Variants in TSHZ2 observed in about 807,000 individuals in gnomAD.
TSHZ2 encodes the protein teashirt homolog 2.
TSHZ2 carries 21 observed loss-of-function variants against 74.4 expected under a neutral mutation model. That is an observed-to-expected ratio of 0.28 (90% confidence interval 0.20 to 0.41). TSHZ2 has a LOEUF of 0.41. Ranked by LOEUF, TSHZ2 falls within the 10% of genes least tolerant of loss-of-function variation. The pLI is 1.00. For synonymous variants in TSHZ2, 540 were observed against 515.3 expected, an observed-to-expected ratio of 1.05 and a Z score of -0.65; for missense variants, 1,244 against 1,293.5, an observed-to-expected ratio of 0.96 and a Z score of 0.59.
chr20:53,294,176 C>T (rs1044883870), intron 2 of TSHZ2, among the ~76,000 whole-genome samples: 2 of 95,286 alleles, frequency 2.1e-5, no homozygotes, highest in South Asian at 3.5e-4. Context: ...GTCGCTTAAT[C>T]GCTCTAGCCT....
chr20:53,313,877 C>T lies in TSHZ2; in HGVS notation c.*8+57306C>T, dbSNP rs188196592. 4.6e-5 allele frequency among the ~76,000 whole-genome samples: 7 copies of T among 152,274 alleles called. No individual in the cohort carries two copies. The East Asian group carries it at 9.6e-4, about 21-fold the overall frequency. On this transcript the variant is annotated intron_variant, in intron 2 of 2. Coordinates refer to ENST00000371497, the MANE Select transcript of TSHZ2 (RefSeq NM_173485.6). ...TAAAATTGTGCTTAAACATAGAGAT[C>T]GTGGGTCCCAAGTGAGCACTTCAAC...
Position 53,493,577 on chromosome 20 carries a change from G to A in TSHZ2, c.*6442G>A, listed in dbSNP as rs1187013038. The A allele has an allele frequency of 6.6e-6, 1 of 152,062 alleles. No homozygotes were observed. Among genetic ancestry groups the A allele is most frequent in the Non-Finnish European group, 1.5e-5 (1 of 67,988 alleles). 9.4% of individuals were successfully genotyped at this position (152,062 alleles called of 1,614,324 possible). A position where few individuals can be genotyped will look rare whatever the true frequency, so the allele number is the denominator to read the frequency against. Reference sequence around the variant, plus strand: ...CAAGATTCTTCTCCTTATTTATTCGGTTGCTGTTGTAATGGGGCCCCAGGC... The same window carrying A: ...CAAGATTCTTCTCCTTATTTATTCGATTGCTGTTGTAATGGGGCCCCAGGC... On this transcript the variant is annotated 3_prime_UTR_variant, in exon 3 of 3. Coordinates refer to ENST00000371497, the MANE Select transcript of TSHZ2 (RefSeq NM_173485.6).
Position 53,202,644 on chromosome 20 carries a change from G to A in TSHZ2, c.41-50855G>A, listed in dbSNP as rs550013283. 1.3e-4 allele frequency among the ~76,000 whole-genome samples: 20 copies of A among 152,252 alleles called. No homozygotes were observed. In the South Asian group the frequency reaches 4.1e-3, roughly 32 times the overall value. ...ATTGAGACTTATGCAAATCACCGTA[G>A]CATAGGCAGAGGATACATTTCAGAA... On this transcript the variant is annotated intron_variant, in intron 1 of 2. Coordinates refer to ENST00000371497, the MANE Select transcript of TSHZ2 (RefSeq NM_173485.6).
At chr20:53,026,281 G>A (rs1056096012) in intron 1 of TSHZ2, among the ~76,000 whole-genome samples, 4 of 151,868 alleles carry the variant, frequency 2.6e-5, no homozygotes, top group African/African-American at 7.3e-5. Context: ...TCTATGTCAG[G>A]CCACCTCTGG....
At chr20:53,377,399 T>G (rs1035031864) in intron 2 of TSHZ2, among the ~76,000 whole-genome samples, 1 of 152,198 alleles carries the variant, frequency 6.6e-6, no homozygotes, top group African/African-American at 2.4e-5. Flanking sequence ...CTCGGTAGCT[T>G]GGAAGCAAGA....
chr20:53,025,288 C>A lies in TSHZ2; in HGVS notation c.40+51955C>A, dbSNP rs187519948. Among the ~76,000 whole-genome samples, 9 of 152,094 alleles carry A rather than the reference C, an allele frequency of 5.9e-5. No homozygotes were observed. The East Asian group carries it at 1.7e-3, about 29-fold the overall frequency. The stretch of plus-strand genomic sequence containing the variant: ...GTAAGAGCAAACATTTAATATGGTT[C>A]ATAATTTTTGAAGATCTTGGTTTAT... On this transcript the variant is annotated intron_variant, in intron 1 of 2. Transcript: ENST00000371497.
chr20:53,121,100 A>G (rs967840051), intron 1 of TSHZ2, among the ~76,000 whole-genome samples: 5 of 152,198 alleles, frequency 3.3e-5, no homozygotes, highest in African/African-American at 1.2e-4. Context: ...TGGAAAACAA[A>G]TATTTCTATT....
intron 1 of TSHZ2, among the ~76,000 whole-genome samples, chr20:53,053,405 G>A (rs1229574942): frequency 6.6e-6 from 1 of 152,056 alleles, no homozygotes; most frequent in Non-Finnish European, 1.5e-5. Context: ...TCTACCAAAT[G>A]TGCTTAGGTT....
chr20:53,347,813 G>A (rs963435227), intron 2 of TSHZ2, among the ~76,000 whole-genome samples: 2 of 151,860 alleles, frequency 1.3e-5, no homozygotes, highest in African/African-American at 4.8e-5. Flanking sequence ...TTTAATTATG[G>A]TAAAATATAC....
chr20:53,440,111 T>TA (rs528061590), intron 2 of TSHZ2, among the ~76,000 whole-genome samples: 4,446 of 145,432 alleles, frequency 0.031, 142 homozygotes, highest in African/African-American at 0.09. Flanking sequence ...TCCTTAGAAT[T>TA]AAAAAAAAAA....
chr20:53,102,585 C>T (rs1986249631), intron 1 of TSHZ2, among the ~76,000 whole-genome samples: 1 of 152,090 alleles, frequency 6.6e-6, no homozygotes, highest in African/African-American at 2.4e-5. Context: ...GTAGAAACAA[C>T]CTTTGCAAAA....
intron 2 of TSHZ2, among the ~76,000 whole-genome samples, chr20:53,464,280 G>C (rs1160962007): frequency 3.3e-5 from 5 of 152,098 alleles, no homozygotes; most frequent in Admixed American, 6.5e-5. Context: ...ATGACAAGAG[G>C]GATCTAAGAG....
rs2122908324 is a variant in TSHZ2 at position 52,988,996 on chromosome 20, T to C, written c.40+15663T>C. 2.0e-5 allele frequency among the ~76,000 whole-genome samples: 3 copies of C among 152,148 alleles called. 1 individual carries two copies. In the East Asian group the frequency reaches 5.8e-4, roughly 29 times the overall value. On this transcript the variant is annotated intron_variant, in intron 1 of 2. Transcript: ENST00000371497. The stretch of plus-strand genomic sequence containing the variant: ...TGCCCTCACAGGTTTATGGTCAAGA[T>C]GTCTAAAAGATGTCTTGTATTTGTA...
intron 2 of TSHZ2, among the ~76,000 whole-genome samples, chr20:53,281,273 G>A (rs1391436524): frequency 3.3e-5 from 5 of 152,172 alleles, no homozygotes; most frequent in African/African-American, 1.2e-4. Context: ...GAAGCAGCCA[G>A]GCATCCACTG....
chr20:53,283,949 A>G (rs1193721307), intron 2 of TSHZ2, among the ~76,000 whole-genome samples: 1 of 152,244 alleles, frequency 6.6e-6, no homozygotes, highest in Non-Finnish European at 1.5e-5. Flanking sequence ...AATTGACTGC[A>G]ATATGCAAAA....
At chr20:53,386,538 A>G (rs1648340056) in intron 2 of TSHZ2, among the ~76,000 whole-genome samples, 1 of 152,256 alleles carries the variant, frequency 6.6e-6, no homozygotes, top group Non-Finnish European at 1.5e-5. Flanking sequence ...GCTATCAGGC[A>G]TGAAAGAAAT....
At position 53,473,181 on chromosome 20, in the gene TSHZ2, T is replaced by G. The variant is rs1438492226; in HGVS notation, c.*9-13963T>G. On this transcript the variant is annotated intron_variant, in intron 2 of 2. Transcript: ENST00000371497. The stretch of plus-strand genomic sequence containing the variant: ...CAGCTCAAGGAGTCCTGCCTGCCTC[T>G]GTAGGCTCCACCTCTGGGGGCAGGG... Among the ~76,000 whole-genome samples, 4 of 146,286 alleles carry G rather than the reference T, an allele frequency of 2.7e-5. No homozygotes were observed. In the East Asian group the frequency reaches 8.6e-4, roughly 31 times the overall value.
intron 1 of TSHZ2, among the ~76,000 whole-genome samples, chr20:53,019,139 G>A (rs1322942712): frequency 6.6e-6 from 1 of 152,132 alleles, no homozygotes; most frequent in Admixed American, 6.6e-5. Context: ...TTGGCACATA[G>A]GTTACAGGTC....
At chr20:53,288,191 G>A (rs6091658) in intron 2 of TSHZ2, among the ~76,000 whole-genome samples, 29,956 of 151,970 alleles carry the variant, frequency 0.2, 3,606 homozygotes, top group African/African-American at 0.34. Context: ...ATCACTTGAG[G>A]TCAGGAGTTC....
Sources: allele counts gnomAD v4.1 joint callset (sites outside exome capture counted in the v4.1 genomes callset), GRCh38; gene constraint gnomAD v4.1.1; transcripts MANE v1.5; gene names NCBI Gene and HGNC (gene_info 2026-07-23, HGNC 2026-07-21).